The following MAST2 variants were observed in gnomAD, a reference collection of about 807,000 sequenced individuals.
MAST2 encodes the protein microtubule-associated serine/threonine-protein kinase 2.
MAST2 carries 70 observed loss-of-function variants against 147.4 expected under a neutral mutation model. The ratio of observed to expected loss-of-function variants is 0.47; its 90% CI spans 0.39 to 0.58. MAST2 has a LOEUF of 0.58. Ranked by LOEUF, MAST2 falls within the 20% of genes least tolerant of loss-of-function variation. MAST2 has a pLI of 0.00. For synonymous variants in MAST2, 869 were observed against 896.8 expected (o/e 0.97, Z 0.55); for missense variants, 2,080 against 2,302.3 (o/e 0.90, Z 1.98).
In MAST2 at chr1:46,035,151, G is replaced by C. The variant is rs764801180; in HGVS notation, c.4482G>C (p.Lys1494Asn). 13 of 1,613,824 alleles carry C rather than the reference G, an allele frequency of 8.1e-6. 1 individual carries two copies. The Middle Eastern group carries it at 4.9e-4, about 61-fold the overall frequency. ...DRAERRESLQ[K>N]QEAIREVDSS... ...CCGAACGACGGGAGTCGCTGCAGAA[G>C]CAAGAAGCCATTCGTGAGGTGGACT... The change falls in exon 29 of 29, where the codon AAG becomes AAC. Residue 1494 changes from lysine to asparagine, a missense_variant. By Grantham distance (94) the Lys-to-Asn change is moderately conservative. Around this residue, in one of 4 missense-constraint regions of MAST2, gnomAD observed 1,278 missense variants for 1,304.2 expected, o/e 0.98. Coordinates refer to ENST00000361297, the MANE Select transcript of MAST2 (RefSeq NM_015112.3). This position sits in a 1 kb window ranked among gnomAD's most constrained non-coding sequence, Gnocchi z 5.5.
chr1:45,813,251 A>C (rs553473379), intron 1 of MAST2, among the ~76,000 whole-genome samples: 2 of 152,074 alleles, frequency 1.3e-5, no homozygotes, highest in East Asian at 3.8e-4. Context: ...TTCTCTGCAT[A>C]CAGTCATGTT....
intron 3 of MAST2, among the ~76,000 whole-genome samples, chr1:45,880,281 T>C (rs1646786143): frequency 6.6e-6 from 1 of 152,204 alleles, no homozygotes; most frequent in Non-Finnish European, 1.5e-5. Context: ...CTATGCTGAG[T>C]TGAAGAAGCC....
chr1:46,032,867 T>C (rs750957751), intron 26 of MAST2, 149 bp downstream of exon 26: 64 of 1,036,060 alleles, frequency 6.2e-5, no homozygotes, highest in Non-Finnish European at 8.5e-5. Flanking sequence ...CGGTGGCTCA[T>C]GCCTGTAAAT....
At chr1:45,827,080 G>T (rs1029913456) in intron 2 of MAST2, among the ~76,000 whole-genome samples, 1 of 152,140 alleles carries the variant, frequency 6.6e-6, no homozygotes, top group Admixed American at 6.5e-5. Context: ...CGCCTGCCTC[G>T]GCCTCCCAAA....
chr1:45,828,301 A>C (rs1174745188), intron 2 of MAST2, among the ~76,000 whole-genome samples: 1 of 152,180 alleles, frequency 6.6e-6, no homozygotes, highest in African/African-American at 2.4e-5. Context: ...TTCATGACTA[A>C]GATTTTACCA....
At chr1:45,951,008 G>A (rs777551169) in intron 4 of MAST2, among the ~76,000 whole-genome samples, 2 of 150,272 alleles carry the variant, frequency 1.3e-5, no homozygotes, top group African/African-American at 2.5e-5. Context: ...GCTTGAGCCC[G>A]GGAGTTCAAG....
intron 4 of MAST2, among the ~76,000 whole-genome samples, chr1:45,909,666 C>T (rs930746287): frequency 2.6e-5 from 4 of 151,782 alleles, no homozygotes; most frequent in African/African-American, 7.3e-5. Flanking sequence ...TACAGGCATG[C>T]GCCCCCACGC....
At chr1:45,900,173 C>CAAAAAAAAAAAAAAAAAAAAAA in intron 4 of MAST2, among the ~76,000 whole-genome samples, 1 of 54,094 alleles carries the variant, frequency 1.8e-5, no homozygotes, top group African/African-American at 8.8e-5. Context: ...CTCTCTCTCT[C>CAAAAAAAAAAAAAAAAAAAAAA]AAAAAAAAAA....
intron 4 of MAST2, among the ~76,000 whole-genome samples, chr1:45,906,554 TAA>T (rs1570652431): frequency 6.8e-6 from 1 of 147,566 alleles, no homozygotes; most frequent in East Asian, 1.9e-4. Flanking sequence ...TAATGTAGCC[TAA>T]GTGTACAATG....
At chr1:45,982,545 A>G (rs1644453237) in intron 5 of MAST2, among the ~76,000 whole-genome samples, 1 of 152,224 alleles carries the variant, frequency 6.6e-6, no homozygotes, top group African/African-American at 2.4e-5. Context: ...TGGTGAACAC[A>G]GGAGGGTGAC....
intron 1 of MAST2, among the ~76,000 whole-genome samples, chr1:45,810,683 C>T (rs1019971462): frequency 1.3e-5 from 2 of 150,306 alleles, no homozygotes; most frequent in Admixed American, 6.6e-5. Flanking sequence ...TCTTGGTGGG[C>T]GCCTGTAATC....
chr1:45,992,718 C>CT (rs34080240), intron 5 of MAST2, among the ~76,000 whole-genome samples: 2 of 152,050 alleles, frequency 1.3e-5, no homozygotes, highest in African/African-American at 2.4e-5. Flanking sequence ...TGGAGTCTTT[C>CT]TTTTTTTAAA....
At chr1:45,826,710 C>T (rs11211202) in intron 2 of MAST2, among the ~76,000 whole-genome samples, 51,657 of 152,044 alleles carry the variant, frequency 0.34, 9,180 homozygotes, top group African/African-American at 0.44. Flanking sequence ...TTTCTTTGCC[C>T]AGTTGCATTG....
At chr1:45,851,782 C>T (rs1645630759) in intron 3 of MAST2, among the ~76,000 whole-genome samples, 1 of 151,778 alleles carries the variant, frequency 6.6e-6, no homozygotes. Flanking sequence ...AATGAATTAC[C>T]TGAGCTGAGG....
At chr1:45,970,582 G>A (rs576810274) in intron 5 of MAST2, among the ~76,000 whole-genome samples, 31 of 147,518 alleles carry the variant, frequency 2.1e-4, no homozygotes, top group African/African-American at 6.0e-4. Context: ...GCGGGAGAAC[G>A]GCTTGAACCC....
intron 5 of MAST2, among the ~76,000 whole-genome samples, chr1:45,988,107 G>A (rs1212326636): frequency 6.6e-6 from 1 of 151,940 alleles, no homozygotes; most frequent in Non-Finnish European, 1.5e-5. Context: ...CGACTTCCTG[G>A]GCTTAAGCGA....
chr1:45,932,526 A>G (rs1655471211), intron 4 of MAST2, among the ~76,000 whole-genome samples: 1 of 152,074 alleles, frequency 6.6e-6, no homozygotes, highest in South Asian at 2.1e-4. Context: ...ATGCAAAACT[A>G]GCCAGGCGTG....
intron 3 of MAST2, among the ~76,000 whole-genome samples, chr1:45,832,460 A>AT (rs146655351): frequency 0.018 from 2,699 of 151,822 alleles, 34 homozygotes; most frequent in Middle Eastern, 0.027. Flanking sequence ...TCACCTGGCT[A>AT]TTTTTTGTCT....
chr1:45,929,249 C>G (rs1489340801), intron 4 of MAST2, among the ~76,000 whole-genome samples: 2 of 152,064 alleles, frequency 1.3e-5, no homozygotes, highest in African/African-American at 4.8e-5. Context: ...AGATAATTAC[C>G]CTTATTCGCA....
Sources: allele counts gnomAD v4.1 joint callset (sites outside exome capture counted in the v4.1 genomes callset), GRCh38; gene constraint gnomAD v4.1.1; regional missense constraint gnomAD v4.1.1; non-coding constraint Gnocchi (gnomAD v3.1); transcripts MANE v1.5; gene names NCBI Gene and HGNC (gene_info 2026-07-23, HGNC 2026-07-21).